Variants in CDH2 observed in about 807,000 individuals in gnomAD.
The protein encoded by CDH2 is cadherin 2, also known as cadherin-2.
CDH2 carries 17 observed loss-of-function variants against 92.0 expected under a neutral mutation model. The observed-to-expected ratio is 0.18, with a 90% CI of 0.13 to 0.28. The LOEUF (loss-of-function observed/expected upper bound fraction) is 0.28. Among genes scored for constraint, CDH2 ranks in the 10% least tolerant of loss-of-function variants. CDH2 has a pLI of 1.00. For missense variants in CDH2, 862 were observed against 1,133.1 expected, an observed-to-expected ratio of 0.76 and a Z score of 3.44; for synonymous variants, 419 against 415.9, an observed-to-expected ratio of 1.01 and a Z score of -0.09.
intron 1 of CDH2, among the ~76,000 whole-genome samples, chr18:28,175,428 G>A (rs2016522883): frequency 1.3e-5 from 2 of 152,236 alleles, no homozygotes; most frequent in Admixed American, 1.3e-4. Flanking sequence ...GGCAGGGGTG[G>A]GGAGAGACAA....
At chr18:28,037,937 C>T (rs1384763407) in intron 2 of CDH2, among the ~76,000 whole-genome samples, 3 of 152,016 alleles carry the variant, frequency 2.0e-5, no homozygotes, top group African/African-American at 7.3e-5. Flanking sequence ...AAGAAAGAAT[C>T]CACAGGAATG....
chr18:28,165,737 T>C (rs551940319), intron 1 of CDH2, among the ~76,000 whole-genome samples: 7 of 151,928 alleles, frequency 4.6e-5, no homozygotes, highest in Admixed American at 4.6e-4. Flanking sequence ...TTTCTTTTTT[T>C]CAGAGTCCCC....
chr18:27,970,042 T>C (rs980425231), intron 14 of CDH2, among the ~76,000 whole-genome samples: 11 of 151,942 alleles, frequency 7.2e-5, no homozygotes, highest in African/African-American at 2.7e-4. Context: ...GAAAATATAA[T>C]ATTTAAAGTT....
chr18:28,144,422 T>C (rs2016003003), intron 2 of CDH2, among the ~76,000 whole-genome samples: 2 of 151,980 alleles, frequency 1.3e-5, no homozygotes, highest in African/African-American at 2.4e-5. Context: ...TGAAATTAAA[T>C]GGTGATGAGG....
chr18:28,161,905 G>A (rs1319544676), intron 1 of CDH2, among the ~76,000 whole-genome samples: 2 of 152,098 alleles, frequency 1.3e-5, no homozygotes, highest in Admixed American at 1.3e-4. Context: ...TCAGAGCCAC[G>A]CCACCTATGT....
intron 2 of CDH2, among the ~76,000 whole-genome samples, chr18:28,015,113 C>T (rs1160004756): frequency 1.3e-5 from 2 of 152,116 alleles, no homozygotes; most frequent in African/African-American, 4.8e-5. Flanking sequence ...TATGAACCCT[C>T]CCACTGCACA....
intron 2 of CDH2, among the ~76,000 whole-genome samples, chr18:28,023,494 T>G (rs1202773236): frequency 2.9e-5 from 1 of 34,848 alleles, no homozygotes; most frequent in Non-Finnish European, 5.3e-5. Context: ...CAGCTAATTT[T>G]TGTTATTTTT....
At chr18:28,053,311 T>A (rs569017091) in intron 2 of CDH2, among the ~76,000 whole-genome samples, 11 of 152,338 alleles carry the variant, frequency 7.2e-5, no homozygotes, top group African/African-American at 1.7e-4. Flanking sequence ...CTTAATTTTT[T>A]AATAAGTATT....
intron 13 of CDH2, among the ~76,000 whole-genome samples, chr18:27,984,625 T>C (rs2012164762): frequency 6.6e-6 from 1 of 152,200 alleles, no homozygotes; most frequent in Non-Finnish European, 1.5e-5. Context: ...AATATACTTA[T>C]TTTCCTAAAT....
At chr18:28,107,769 G>T (rs2015346159) in intron 2 of CDH2, among the ~76,000 whole-genome samples, 2 of 151,892 alleles carry the variant, frequency 1.3e-5, no homozygotes, top group African/African-American at 4.8e-5. Flanking sequence ...AAGGTTTTAT[G>T]CATTTTAATT....
At chr18:28,169,046 C>T (rs1383968610) in intron 1 of CDH2, among the ~76,000 whole-genome samples, 1 of 152,114 alleles carries the variant, frequency 6.6e-6, no homozygotes, top group Non-Finnish European at 1.5e-5. Flanking sequence ...CCACCTATCT[C>T]ATAGAGTTAC....
chr18:27,963,389 G>A lies in CDH2; in HGVS notation c.2482C>T (p.His828Tyr). 1 of 1,614,116 alleles carries A rather than the reference G, an allele frequency of 6.2e-7. No individual in the cohort carries two copies. The highest frequency in any genetic ancestry group is 8.5e-7 in the Non-Finnish European group (1 of 1,180,012). Residue 828 changes from histidine (H) to tyrosine (Y), a missense_variant, in exon 15 of 16, where the codon CAC becomes TAC. Coordinates refer to ENST00000269141, the MANE Select transcript of CDH2 (RefSeq NM_001792.5). ...ATGAAGTCCCCAATGTCTCCAGGGT[G>A]TGGGGCTGCAGATCGGACCGGATAC... Reference protein sequence around the residue: ...PQYPVRSAAPHPGDIGDFINE... With the variant: ...PQYPVRSAAPYPGDIGDFINE...
At chr18:27,959,777 A>T (rs2011348690) in intron 15 of CDH2, among the ~76,000 whole-genome samples, 1 of 152,114 alleles carries the variant, frequency 6.6e-6, no homozygotes, top group Non-Finnish European at 1.5e-5. Flanking sequence ...TTCTGTCTCC[A>T]ACTCTAGGGG....
chr18:27,952,514 A>G (rs1909511354), intron 15 of CDH2, among the ~76,000 whole-genome samples, 155 bp from the exon 16 acceptor site: 1 of 152,206 alleles, frequency 6.6e-6, no homozygotes, highest in Non-Finnish European at 1.5e-5. Flanking sequence ...AAAGGGAGAT[A>G]TAACCATTTG....
chr18:28,111,300 A>G (rs2015409134), intron 2 of CDH2, among the ~76,000 whole-genome samples: 1 of 152,242 alleles, frequency 6.6e-6, no homozygotes, highest in South Asian at 2.1e-4. Flanking sequence ...GCATGGGTGT[A>G]GCACGTGCAT....
intron 2 of CDH2, among the ~76,000 whole-genome samples, chr18:28,022,192 T>C (rs1206618845): frequency 6.6e-6 from 1 of 151,618 alleles, no homozygotes; most frequent in Admixed American, 6.6e-5. Context: ...CAGGAATGAT[T>C]TTTTTTTTCT....
At chr18:27,964,112 T>TA (rs1235261114) in intron 14 of CDH2, among the ~76,000 whole-genome samples, 6 of 152,310 alleles carry the variant, frequency 3.9e-5, no homozygotes, top group Admixed American at 6.5e-5. Flanking sequence ...CTACAGGGAA[T>TA]ATATGTGGCC....
chr18:28,111,095 C>A (rs17536229), intron 2 of CDH2, among the ~76,000 whole-genome samples: 1,667 of 152,278 alleles, frequency 0.011, 39 homozygotes, highest in African/African-American at 0.038. Context: ...GCTCTCCTAT[C>A]GACTCCCAAG....
chr18:27,943,602 A>G (rs1909195891), intron 6 of CDH2, among the ~76,000 whole-genome samples: 1 of 152,200 alleles, frequency 6.6e-6, no homozygotes, highest in Admixed American at 6.5e-5. Context: ...ATAAGACGTG[A>G]TGAAGTAATT....
Sources: gnomAD v4.1 joint callset for allele counts (sites outside exome capture counted in the v4.1 genomes callset) on GRCh38, gnomAD v4.1.1 for gene constraint, MANE v1.5 for transcripts, NCBI Gene and HGNC (gene_info 2026-07-23, HGNC 2026-07-21) for gene names.